ZBTB40: variants seen among roughly 807,000 people sequenced by gnomAD.
ZBTB40 encodes zinc finger and BTB domain-containing protein 40.
ZBTB40 carries 60 observed loss-of-function variants against 117.5 expected under a neutral mutation model. The ratio of observed to expected loss-of-function variants is 0.51; its 90% CI spans 0.41 to 0.63. The LOEUF is 0.63. ZBTB40 is among the 30% of genes least tolerant of loss of function. ZBTB40 has a pLI of 0.00. For synonymous variants in ZBTB40, 525 were observed against 577.1 expected (o/e 0.91, Z 1.29); for missense variants, 1,287 against 1,498.5 (o/e 0.86, Z 2.33).
rs749326361 is a variant in ZBTB40 at position 22,526,328 on chromosome 1, C to T, written c.3652C>T (p.Leu1218Phe). The change falls in exon 18 of 18, where the codon CTC becomes TTC. Residue 1218 changes from leucine (L) to phenylalanine (F), a missense_variant. Coordinates refer to ENST00000375647, the MANE Select transcript of ZBTB40 (RefSeq NM_014870.4). ...TCAGGCATCTCAGGCCAGCTCTGAG[C>T]TCGTGGCGGTGACTGTGGAGGACTT... ...DSQASQASSE[L>F]VAVTVEDLLD... The T allele has an allele frequency of 1.2e-6, 2 of 1,614,200 alleles. No individual in the cohort carries two copies. The highest frequency in any genetic ancestry group is 1.7e-6 in the Non-Finnish European group (2 of 1,180,040).
At chr1:22,492,495 G>A (rs1035526429) in intron 3 of ZBTB40, among the ~76,000 whole-genome samples, 1 of 152,200 alleles carries the variant, frequency 6.6e-6, no homozygotes, top group Non-Finnish European at 1.5e-5. Context: ...TTTCTGAGAG[G>A]CTGCTGGCAG....
At chr1:22,484,631 A>G (rs1638415942) in intron 1 of ZBTB40, among the ~76,000 whole-genome samples, 1 of 152,114 alleles carries the variant, frequency 6.6e-6, no homozygotes, top group Non-Finnish European at 1.5e-5. Context: ...TATACCTTCT[A>G]TTTCCTTTTC....
intron 3 of ZBTB40, among the ~76,000 whole-genome samples, chr1:22,498,421 G>A (rs1004500529): frequency 6.6e-6 from 1 of 152,182 alleles, no homozygotes; most frequent in Admixed American, 6.5e-5. Flanking sequence ...AGCTTTAGGG[G>A]GCTGATGGAG....
intron 1 of ZBTB40, among the ~76,000 whole-genome samples, chr1:22,467,621 G>A (rs900995504): frequency 1.4e-4 from 21 of 151,828 alleles, no homozygotes; most frequent in African/African-American, 4.8e-4. Context: ...ATCACAGGTG[G>A]GCACCACTAC....
intron 17 of ZBTB40, 141 bp downstream of exon 17, chr1:22,524,585 C>A: frequency 9.8e-7 from 1 of 1,015,648 alleles, no homozygotes; most frequent in Non-Finnish European, 1.4e-6. Context: ...CAAAACAGAA[C>A]AGAAAATTCT....
chr1:22,526,429 T>C lies in ZBTB40; in HGVS notation c.*33T>C. The C allele has an allele frequency of 6.2e-7, 1 of 1,612,672 alleles. No homozygotes were observed. The highest frequency in any genetic ancestry group is 8.5e-7 in the Non-Finnish European group (1 of 1,179,934). On this transcript the variant is annotated 3_prime_UTR_variant, in exon 18 of 18. Transcript: ENST00000375647. ...TTCATCCGGCAGAGCCTTCCTGCGT[T>C]TGCAGCAGAGAGGAGGCCCCACAGC... is the stretch of plus-strand genomic sequence containing the variant.
chr1:22,440,297 T>C (rs1557472731), intron 1 of ZBTB40, among the ~76,000 whole-genome samples: 1 of 152,198 alleles, frequency 6.6e-6, no homozygotes, highest in Non-Finnish European at 1.5e-5. Flanking sequence ...CCTTTCCAAT[T>C]TGAATGCCTT....
At position 22,520,172 on chromosome 1, in the gene ZBTB40, C is replaced by T. The variant is rs773187426; in HGVS notation, c.2945C>T (p.Thr982Met). Residue 982 changes from threonine to methionine, a missense_variant, in exon 14 of 18, where the codon ACG (threonine) becomes ATG (methionine). Physicochemically the swap from Thr to Met is moderately conservative, Grantham distance 81. Transcript: ENST00000375647. ...VHSKEYHPCP[T>M]CGKIFSAPSM... ...TCCAAAGAGTACCACCCCTGCCCCA[C>T]GTGTGGGAAGATCTTCAGTGCCCCG... 10 of 1,614,194 alleles carry T rather than the reference C, an allele frequency of 6.2e-6. No individual in the cohort carries two copies. The highest frequency in any genetic ancestry group is 7.6e-6 in the Non-Finnish European group (9 of 1,180,032).
At position 22,433,432 on chromosome 1, in the gene ZBTB40, C is replaced by CAAAAAAAAAAAAA. The variant is rs767913519; in HGVS notation, c.-70+4431_-70+4443dup. On this transcript the variant is annotated intron_variant, in intron 1 of 8. Transcript: ENST00000650433. ...TGGGCGACAGAGCAAGACGCCCTCT[C>CAAAAAAAAAAAAA]AAAAAAAAAAAAAAAAAAAAAAAAA... Among the ~76,000 whole-genome samples the CAAAAAAAAAAAAA allele has an allele frequency of 5.6e-3, 49 of 8,752 alleles. 6 individuals carry two copies. The highest frequency in any genetic ancestry group is 0.021 in the Admixed American group (9 of 420). 5.7% of individuals were successfully genotyped at this position (8,752 alleles called of 152,430 possible).
intron 1 of ZBTB40, among the ~76,000 whole-genome samples, chr1:22,461,364 G>C (rs968446608): frequency 7.5e-5 from 11 of 146,198 alleles, no homozygotes; most frequent in African/African-American, 2.8e-4. Context: ...GTAAAATGTT[G>C]AGGATGAAAT....
At chr1:22,456,565 G>A (rs909271298) in intron 1 of ZBTB40, among the ~76,000 whole-genome samples, 28 of 152,122 alleles carry the variant, frequency 1.8e-4, no homozygotes, top group African/African-American at 6.8e-4. Flanking sequence ...CCTTTAAAAG[G>A]TGCAGAACCA....
intron 1 of ZBTB40, among the ~76,000 whole-genome samples, chr1:22,458,602 G>A (rs1641058308): frequency 1.3e-5 from 2 of 152,210 alleles, no homozygotes; most frequent in African/African-American, 4.8e-5. Flanking sequence ...TAGAATATAT[G>A]CTACTTGAGA....
intron 3 of ZBTB40, among the ~76,000 whole-genome samples, chr1:22,498,188 G>T (rs1324578192): frequency 6.6e-6 from 1 of 152,148 alleles, no homozygotes; most frequent in East Asian, 1.9e-4. Context: ...TGAATTTATT[G>T]AAGTACCTTT....
Position 22,512,926 on chromosome 1 carries a change from A to G in ZBTB40, c.2464A>G (p.Met822Val), listed in dbSNP as rs1639279948. Residue 822 changes from methionine to valine, a missense_variant and splice_region_variant, in exon 12 of 18, where the codon ATG becomes GTG. Met to Val is a conservative substitution (Grantham distance 21). This residue lies in a region of ZBTB40 where 417 missense variants were observed against 564.1 expected (regional missense o/e 0.74). Transcript: ENST00000375647. ...CGREFAHASGMQYHKLTEHFD... is the reference protein window; with the variant it reads ...CGREFAHASGVQYHKLTEHFD... ...TCTGGTGTGCTTGGCTTCCCTAGGC[A>G]TGCAGTACCATAAGCTGACAGAGCA... 2 of 1,614,222 alleles carry G rather than the reference A, an allele frequency of 1.2e-6. No homozygotes were observed. The highest frequency in any genetic ancestry group is 1.7e-6 in the Non-Finnish European group (2 of 1,180,028).
rs914978318 is a variant in ZBTB40, at chr1:22,529,364, G to C, written c.*2968G>C. On this transcript the variant is annotated 3_prime_UTR_variant, in exon 18 of 18. Transcript: ENST00000375647. The stretch of plus-strand genomic sequence containing the variant: ...TGGGCTTCTTGGAACACATGGATCT[G>C]TTCGGTGGGTCCCCAGACCTCTGCT... 3.9e-5 allele frequency: 6 copies of C among 152,360 alleles called. No individual in the cohort carries two copies. Among genetic ancestry groups the C allele is most frequent in the African/African-American group, 1.4e-4 (6 of 41,428 alleles). The allele number at this position is 152,360 out of a possible 1,614,324, so 9.4% of individuals were successfully genotyped here.
upstream of ZBTB40, among the ~76,000 whole-genome samples, chr1:22,449,010 T>G (rs184417186): frequency 1.1e-3 from 167 of 152,196 alleles, no homozygotes; most frequent in African/African-American, 3.8e-3. Context: ...GAGATGGGGT[T>G]TCACCATGTT....
intron 3 of ZBTB40, among the ~76,000 whole-genome samples, chr1:22,495,490 TAGG>T (rs1638748614): frequency 1.3e-5 from 2 of 152,070 alleles, no homozygotes; most frequent in Non-Finnish European, 2.9e-5. Flanking sequence ...GTTTTTGTGC[TAGG>T]TTTTTTTTGT....
Position 22,501,439 on chromosome 1 carries a change from G to A in ZBTB40, c.832-53G>A, listed in dbSNP as rs1179261804. On this transcript the variant is annotated intron_variant, in intron 3 of 17. Coordinates refer to ENST00000375647, the MANE Select transcript of ZBTB40 (RefSeq NM_014870.4). ...ACCTTGTTTGCCAAATGCAAGGAGC[G>A]GATGGTTCTTGTGGTTCGCTAATCT... is the stretch of plus-strand genomic sequence containing the variant. 12 of 1,602,574 alleles carry A rather than the reference G, an allele frequency of 7.5e-6. No homozygotes were observed. In the Admixed American group the frequency reaches 8.3e-5, roughly 11 times the overall value.
At chr1:22,486,978 G>A (rs1429707172) in intron 1 of ZBTB40, among the ~76,000 whole-genome samples, 5 of 152,060 alleles carry the variant, frequency 3.3e-5, no homozygotes, top group South Asian at 2.1e-4. Flanking sequence ...CAAGTGATCC[G>A]CCCGCCTCAG....
Sources: allele counts gnomAD v4.1 joint callset (sites outside exome capture counted in the v4.1 genomes callset), GRCh38; gene constraint gnomAD v4.1.1; regional missense constraint gnomAD v4.1.1; transcripts MANE v1.5; gene names NCBI Gene and HGNC (gene_info 2026-07-23, HGNC 2026-07-21).